The following IL1RAPL2 variants were observed in gnomAD, a reference collection of about 807,000 sequenced individuals.
IL1RAPL2 encodes X-linked interleukin-1 receptor accessory protein-like 2.
A neutral mutation model predicts 44.1 loss-of-function variants in IL1RAPL2; 3 were observed. That is an observed-to-expected ratio of 0.07 (90% CI 0.03 to 0.18). IL1RAPL2 has a LOEUF of 0.18. Among genes scored for constraint, IL1RAPL2 ranks in the 10% least tolerant of loss-of-function variants. The probability of loss-of-function intolerance (pLI) is 1.00; values close to 1 mark genes in which losing one functional copy is unlikely to be tolerated. For missense variants in IL1RAPL2, 391 were observed against 496.4 expected (o/e 0.79, Z 2.02); for synonymous variants, 181 against 178.8 (o/e 1.01, Z -0.10).
intron 5 of IL1RAPL2, among the ~76,000 whole-genome samples, chrX:105,341,353 T>A (rs753932935): frequency 5.5e-5 from 6 of 109,594 alleles, no homozygotes; most frequent in South Asian, 3.8e-4. Flanking sequence ...CTTTTTTTTT[T>A]ACTGAAGATT....
chrX:105,525,549 A>G (rs111504785), intron 6 of IL1RAPL2, among the ~76,000 whole-genome samples: 2,127 of 111,227 alleles, frequency 0.019, 48 homozygotes, highest in African/African-American at 0.066. Flanking sequence ...TCACCCCTAA[A>G]TACTTCAGCG....
At chrX:104,946,776 T>C (rs1357717085) in intron 2 of IL1RAPL2, among the ~76,000 whole-genome samples, 1 of 98,326 alleles carries the variant, frequency 1.0e-5, no homozygotes, top group Non-Finnish European at 2.0e-5. Flanking sequence ...TAGTATTCCA[T>C]GGTGTATATG....
In IL1RAPL2 at chrX:105,740,620, T is replaced by C; in HGVS notation, c.977T>C (p.Leu326Pro). Residue 326 changes from leucine to proline, a missense_variant, in exon 8 of 11, where the codon CTG (leucine) becomes CCG (proline). By Grantham distance (98) the Leu-to-Pro change is moderately conservative. Transcript: ENST00000372582. The stretch of plus-strand genomic sequence containing the variant: ...TTTGACTCAGTTGTGGAAGCTGACC[T>C]GGCGAATTATACCTGCCATGTTGAA... ...LIFDSVVEAD[L>P]ANYTCHVENR... The C allele has an allele frequency of 8.3e-7, 1 of 1,208,176 alleles. No individual in the cohort carries two copies.
intron 6 of IL1RAPL2, among the ~76,000 whole-genome samples, chrX:105,669,495 G>A (rs763814743): frequency 1.8e-4 from 20 of 111,117 alleles, no homozygotes; most frequent in African/African-American, 2.0e-4. Flanking sequence ...CTGGTCTTGC[G>A]GCATTCTTCT....
At chrX:104,627,922 A>C (rs897032416) in intron 1 of IL1RAPL2, among the ~76,000 whole-genome samples, 1 of 111,741 alleles carries the variant, frequency 8.9e-6, no homozygotes, top group Non-Finnish European at 1.9e-5. Context: ...ATTGAAAAGA[A>C]AAAAAAATCT....
intron 1 of IL1RAPL2, among the ~76,000 whole-genome samples, chrX:104,599,040 T>C (rs1009677034): frequency 1.8e-5 from 2 of 111,805 alleles, no homozygotes; most frequent in African/African-American, 6.5e-5. Flanking sequence ...CTGAAGTAGA[T>C]GAGTTATTTT....
At chrX:104,821,454 T>C (rs1921301117) in intron 2 of IL1RAPL2, among the ~76,000 whole-genome samples, 2 of 110,693 alleles carry the variant, frequency 1.8e-5, no homozygotes, top group South Asian at 7.9e-4. Flanking sequence ...GCCCATATGT[T>C]GTCATTGTTC....
intron 2 of IL1RAPL2, among the ~76,000 whole-genome samples, chrX:104,818,623 C>A (rs1921211140): frequency 9.1e-6 from 1 of 110,369 alleles, no homozygotes; most frequent in African/African-American, 3.3e-5. Context: ...AAGAGTGTTT[C>A]AAGAAGAGAG....
intron 2 of IL1RAPL2, among the ~76,000 whole-genome samples, chrX:104,944,008 G>T (rs1925275517): frequency 9.0e-6 from 1 of 111,578 alleles, no homozygotes; most frequent in African/African-American, 3.3e-5. Flanking sequence ...CTCATGTGTG[G>T]AAGTAGCTGA....
chrX:105,243,603 A>ATTT (rs1296744418), intron 4 of IL1RAPL2, among the ~76,000 whole-genome samples: 2,968 of 86,640 alleles, frequency 0.034, 142 homozygotes, highest in African/African-American at 0.19. Flanking sequence ...ATATATATAT[A>ATTT]TATTTTTTTT....
At chrX:104,715,046 G>GT (rs1319005648) in intron 2 of IL1RAPL2, among the ~76,000 whole-genome samples, 2 of 110,608 alleles carry the variant, frequency 1.8e-5, no homozygotes, top group African/African-American at 6.6e-5. Context: ...AATATTTTCA[G>GT]TAAGAATGGT....
chrX:104,709,978 A>G (rs776984319), intron 2 of IL1RAPL2, among the ~76,000 whole-genome samples: 1 of 111,368 alleles, frequency 9.0e-6, no homozygotes, highest in Non-Finnish European at 1.9e-5. Context: ...ATAATAATAA[A>G]AAAAAGAAAC....
intron 6 of IL1RAPL2, among the ~76,000 whole-genome samples, chrX:105,618,829 T>C (rs2037397089): frequency 8.9e-6 from 1 of 111,740 alleles, no homozygotes; most frequent in South Asian, 3.7e-4. Flanking sequence ...AATTAGGATA[T>C]CTGTTGTTAT....
At chrX:105,212,769 T>A (rs1454439631) in intron 3 of IL1RAPL2, among the ~76,000 whole-genome samples, 1 of 112,029 alleles carries the variant, frequency 8.9e-6, no homozygotes, top group Non-Finnish European at 1.9e-5. Flanking sequence ...GGATGAAGCC[T>A]CCAGAGGAAG....
At chrX:105,256,126 G>A (rs1027284912) in intron 4 of IL1RAPL2, among the ~76,000 whole-genome samples, 2 of 110,903 alleles carry the variant, frequency 1.8e-5, no homozygotes, top group Admixed American at 1.9e-4. Flanking sequence ...TTGTGTCTCT[G>A]TCAGGTTTTA....
Position 104,820,250 on chromosome X carries a change from C to T in IL1RAPL2, c.82+161255C>T, listed in dbSNP as rs761054077. On this transcript the variant is annotated intron_variant, in intron 2 of 10. Coordinates refer to ENST00000372582, the MANE Select transcript of IL1RAPL2 (RefSeq NM_017416.2). ...ATGGGTTTCACTGGTTTTAAACATC[C>T]GTTGTTATTGGTATCATGTATCTGC... is the stretch of plus-strand genomic sequence containing the variant. Among the ~76,000 whole-genome samples the T allele has an allele frequency of 6.0e-4, 67 of 111,451 alleles. 1 individual carries two copies. Among genetic ancestry groups the T allele is most frequent in the Middle Eastern group, 4.6e-3 (1 of 216 alleles).
intron 5 of IL1RAPL2, among the ~76,000 whole-genome samples, chrX:105,386,016 C>T (rs1322166548): frequency 9.0e-6 from 1 of 111,161 alleles, no homozygotes; most frequent in African/African-American, 3.3e-5. Flanking sequence ...TCTTTGCTTC[C>T]TCATACTTTT....
At chrX:104,928,347 A>C (rs934237521) in intron 2 of IL1RAPL2, among the ~76,000 whole-genome samples, 1 of 111,569 alleles carries the variant, frequency 9.0e-6, no homozygotes, top group African/African-American at 3.3e-5. Flanking sequence ...AGAATTTGCC[A>C]CCGAGTGTCT....
At chrX:105,360,464 A>G (rs1291958527) in intron 5 of IL1RAPL2, among the ~76,000 whole-genome samples, 1 of 111,347 alleles carries the variant, frequency 9.0e-6, no homozygotes, top group African/African-American at 3.3e-5. Flanking sequence ...CAGTTGATTC[A>G]CTACTAAATA....
Sources: allele counts gnomAD v4.1 joint callset (sites outside exome capture counted in the v4.1 genomes callset), GRCh38; gene constraint gnomAD v4.1.1; transcripts MANE v1.5; gene names NCBI Gene and HGNC (gene_info 2026-07-23, HGNC 2026-07-21).